Variants in ADAMTSL1 observed in about 807,000 individuals in gnomAD.
ADAMTSL1 encodes the protein ADAMTS-like protein 1.
ADAMTSL1 carries 126 observed loss-of-function variants against 201.8 expected under a neutral mutation model. The ratio of observed to expected loss-of-function variants is 0.62; its 90% CI spans 0.54 to 0.72. The LOEUF is 0.72. Ranked by LOEUF, ADAMTSL1 falls within the 30% of genes least tolerant of loss-of-function variation. The probability of loss-of-function intolerance (pLI) is 0.00; values close to 1 mark genes in which losing one functional copy is unlikely to be tolerated. For synonymous variants in ADAMTSL1, 1,121 were observed against 903.4 expected, an observed-to-expected ratio of 1.24 and a Z score of -4.32; for missense variants, 2,679 against 2,277.8, an observed-to-expected ratio of 1.18 and a Z score of -3.59.
chr9:18,473,393 G>GA (rs773712536), upstream of ADAMTSL1, among the ~76,000 whole-genome samples: 10 of 152,108 alleles, frequency 6.6e-5, no homozygotes, highest in African/African-American at 9.7e-5. Context: ...TAAACTGGGG[G>GA]ATCTAAGTTT....
chr9:18,530,362 A>G (rs981508301), intron 2 of ADAMTSL1, among the ~76,000 whole-genome samples: 68 of 152,302 alleles, frequency 4.5e-4, no homozygotes, highest in African/African-American at 1.6e-3. Flanking sequence ...AAAAGGATGA[A>G]AAACATATAC....
At chr9:18,503,131 A>G (rs575134062) in intron 1 of ADAMTSL1, among the ~76,000 whole-genome samples, 156 of 151,994 alleles carry the variant, frequency 1.0e-3, no homozygotes, top group Non-Finnish European at 1.9e-3. Context: ...TTTTGCAATC[A>G]TCACTACCAT....
At chr9:18,883,351 C>A (rs775502621) in intron 23 of ADAMTSL1, among the ~76,000 whole-genome samples, 1 of 152,188 alleles carries the variant, frequency 6.6e-6, no homozygotes, top group Non-Finnish European at 1.5e-5. Context: ...AAAGGCACAA[C>A]AGCACAAGCA....
chr9:17,939,288 A>G (rs1045632266), intron 1 of ADAMTSL1, among the ~76,000 whole-genome samples: 2 of 60,256 alleles, frequency 3.3e-5, no homozygotes, highest in African/African-American at 1.2e-4. Flanking sequence ...GCCTCCCTTC[A>G]TTAGAAACTT....
At chr9:18,452,208 C>G (rs776695718) in intron 2 of ADAMTSL1, among the ~76,000 whole-genome samples, 27 of 152,136 alleles carry the variant, frequency 1.8e-4, no homozygotes, top group Non-Finnish European at 2.9e-5. Context: ...CCACCGCACC[C>G]TGCCCCAAGC....
chr9:18,755,696 G>T (rs1819709849), intron 16 of ADAMTSL1, among the ~76,000 whole-genome samples: 1 of 152,048 alleles, frequency 6.6e-6, no homozygotes, highest in Non-Finnish European at 1.5e-5. Flanking sequence ...GACTTCCAAA[G>T]AATCACTTAT....
chr9:18,388,075 C>T (rs962406649), intron 2 of ADAMTSL1, among the ~76,000 whole-genome samples: 7 of 151,892 alleles, frequency 4.6e-5, no homozygotes, highest in Non-Finnish European at 8.8e-5. Context: ...AAAATTAGGC[C>T]TGTTTTATTT....
chr9:18,160,691 A>AT (rs869092640), intron 1 of ADAMTSL1, among the ~76,000 whole-genome samples: 1 of 139,846 alleles, frequency 7.2e-6, no homozygotes, highest in Admixed American at 7.2e-5. Flanking sequence ...TAATTAATTA[A>AT]TTTTTTTGAG....
chr9:18,287,863 T>C (rs974872811), intron 2 of ADAMTSL1, among the ~76,000 whole-genome samples: 5 of 152,184 alleles, frequency 3.3e-5, no homozygotes, highest in African/African-American at 9.7e-5. Flanking sequence ...AACTATTCAT[T>C]GCTCCTCTAA....
chr9:17,934,050 G>A (rs2131326595), intron 1 of ADAMTSL1, among the ~76,000 whole-genome samples: 1 of 152,204 alleles, frequency 6.6e-6, no homozygotes, highest in African/African-American at 2.4e-5. Flanking sequence ...CACTGCAGTG[G>A]GAATGACTTT....
At chr9:18,589,321 T>C (rs1395559622) in intron 4 of ADAMTSL1, among the ~76,000 whole-genome samples, 1 of 152,204 alleles carries the variant, frequency 6.6e-6, no homozygotes, top group African/African-American at 2.4e-5. Flanking sequence ...CTAAGGTATT[T>C]TTTCTTTAGT....
At chr9:18,272,791 C>T (rs901946694) in intron 2 of ADAMTSL1, among the ~76,000 whole-genome samples, 9 of 152,180 alleles carry the variant, frequency 5.9e-5, no homozygotes, top group African/African-American at 2.2e-4. Flanking sequence ...ATTTTTTCCA[C>T]TCAATTTCCA....
At chr9:18,451,999 C>T (rs1055765055) in intron 2 of ADAMTSL1, among the ~76,000 whole-genome samples, 3 of 152,210 alleles carry the variant, frequency 2.0e-5, no homozygotes, top group African/African-American at 7.2e-5. Flanking sequence ...CAACCTCTGC[C>T]TCCCAGGTTC....
intron 1 of ADAMTSL1, among the ~76,000 whole-genome samples, chr9:18,023,084 TC>T (rs1820546142): frequency 6.6e-6 from 1 of 152,128 alleles, no homozygotes. Context: ...AGTAGCTGTT[TC>T]CTGAAAGTAC....
In ADAMTSL1 at chr9:18,680,350, G is replaced by GT. The variant is rs746268202; in HGVS notation, c.1176dup (p.Gly393TrpfsTer33). On this transcript the variant is annotated frameshift_variant, in exon 11 of 29. Transcript: ENST00000380548. LOFTEE classifies it high-confidence loss of function. ...CCATGGACCGCGTGCTCCTCCTCGT[G>GT]TGGGGGGGGCATCCAGAGCCGGGCA... The GT allele has an allele frequency of 5.6e-6, 9 of 1,614,020 alleles. No homozygotes were observed. The highest frequency in any genetic ancestry group is 1.1e-5 in the South Asian group (1 of 91,084).
At chr9:18,248,307 C>T (rs919014691) in intron 2 of ADAMTSL1, among the ~76,000 whole-genome samples, 2 of 152,098 alleles carry the variant, frequency 1.3e-5, no homozygotes, top group Non-Finnish European at 2.9e-5. Context: ...CGGCATCAGA[C>T]AGGGTCAAAG....
At chr9:18,019,685 A>C (rs1176125506) in intron 1 of ADAMTSL1, among the ~76,000 whole-genome samples, 1 of 152,150 alleles carries the variant, frequency 6.6e-6, no homozygotes. Flanking sequence ...TGGGTGACCC[A>C]CTAAGCAGGA....
At chr9:18,478,466 G>A (rs1380818894) in intron 1 of ADAMTSL1, among the ~76,000 whole-genome samples, 2 of 152,158 alleles carry the variant, frequency 1.3e-5, no homozygotes, top group East Asian at 3.8e-4. Context: ...GAGAAAAAAT[G>A]ACTTACAGAG....
intron 2 of ADAMTSL1, among the ~76,000 whole-genome samples, chr9:18,170,652 G>C (rs1827848141): frequency 6.6e-6 from 1 of 151,976 alleles, no homozygotes; most frequent in Admixed American, 6.6e-5. Flanking sequence ...GAGAAAAGAG[G>C]AAAGAGAAAG....
Sources: allele counts gnomAD v4.1 joint callset (sites outside exome capture counted in the v4.1 genomes callset), GRCh38; gene constraint gnomAD v4.1.1; transcripts MANE v1.5; gene names NCBI Gene and HGNC (gene_info 2026-07-23, HGNC 2026-07-21).